PDS5A: variants seen among roughly 807,000 people sequenced by gnomAD.
The protein encoded by PDS5A is sister chromatid cohesion protein PDS5 homolog A.
A neutral mutation model predicts 167.1 loss-of-function variants in PDS5A; 42 were observed. The observed-to-expected ratio is 0.25, with a 90% CI of 0.20 to 0.33. PDS5A has a LOEUF of 0.33. Ranked by LOEUF, PDS5A falls within the 10% of genes least tolerant of loss-of-function variation. PDS5A has a pLI of 1.00. For missense variants in PDS5A, 1,033 were observed against 1,605.9 expected (o/e 0.64, Z 6.10); for synonymous variants, 553 against 554.6 (o/e 1.00, Z 0.04).
At position 39,898,693 on chromosome 4, in the gene PDS5A, C is replaced by T. The variant is rs554537909; in HGVS notation, c.1630+84G>A. The T allele has an allele frequency of 1.5e-4, 148 of 971,636 alleles. 1 individual carries two copies. The East Asian group carries it at 3.8e-3, about 25-fold the overall frequency. The allele number at this position is 971,636 out of a possible 1,614,324, so 60.2% of individuals were successfully genotyped here. On this transcript the variant is annotated intron_variant, in intron 15 of 32. Coordinates refer to ENST00000303538, the MANE Select transcript of PDS5A (RefSeq NM_001100399.2). ...ATAAAGATTATTTTCTTTTACTTAA[C>T]ATTAAATCAGTAGTCCCACTGGGTA...
intron 17 of PDS5A, among the ~76,000 whole-genome samples, chr4:39,881,812 C>G (rs1197168526): frequency 6.6e-6 from 1 of 152,156 alleles, no homozygotes; most frequent in Non-Finnish European, 1.5e-5. Context: ...TGGCTGTGTC[C>G]CCACTCAAAT....
At position 39,913,736 on chromosome 4, in the gene PDS5A, GA is replaced by G. The variant is rs766607855; in HGVS notation, c.877-11del. The G allele has an allele frequency of 1.0e-4, 142 of 1,407,808 alleles. No individual in the cohort carries two copies. The highest frequency in any genetic ancestry group is 1.4e-4 in the Non-Finnish European group (135 of 992,512). The allele number at this position is 1,407,808 out of a possible 1,614,324, so 87.2% of individuals were successfully genotyped here. ...CTTCTCCATCATTGCTCTAAGAAGG[GA>G]AAACAGAAAGTGAAGCCTAAGCTTT... On this transcript the variant is annotated splice_polypyrimidine_tract_variant and intron_variant, in intron 8 of 32. Coordinates refer to ENST00000303538, the MANE Select transcript of PDS5A (RefSeq NM_001100399.2).
intron 23 of PDS5A, among the ~76,000 whole-genome samples, chr4:39,865,875 A>G (rs1450383191): frequency 6.6e-6 from 1 of 152,258 alleles, no homozygotes; most frequent in Non-Finnish European, 1.5e-5. Flanking sequence ...AGAATACTTT[A>G]GTTATCTATG....
intron 26 of PDS5A, among the ~76,000 whole-genome samples, chr4:39,852,977 A>T (rs910628071): frequency 6.6e-6 from 1 of 152,072 alleles, no homozygotes; most frequent in South Asian, 2.1e-4. Context: ...TTCGCCTGTG[A>T]AATTATAAAT....
At chr4:39,957,158 G>A (rs890838038) in intron 2 of PDS5A, among the ~76,000 whole-genome samples, 1 of 151,990 alleles carries the variant, frequency 6.6e-6, no homozygotes, top group Non-Finnish European at 1.5e-5. Context: ...GAAGTTATAG[G>A]ATAATTATAC....
At chr4:39,899,249 T>C (rs1722672270) in intron 14 of PDS5A, among the ~76,000 whole-genome samples, 2 of 152,178 alleles carry the variant, frequency 1.3e-5, no homozygotes, top group African/African-American at 4.8e-5. Flanking sequence ...TGTTAGCTAC[T>C]TTGTGGCCCG....
In PDS5A at chr4:39,845,852, G is replaced by T; in HGVS notation, c.3368C>A (p.Ser1123Ter). 7.3e-7 allele frequency: 1 copy of T among 1,377,952 alleles called. No homozygotes were observed. Among genetic ancestry groups the T allele is most frequent in the South Asian group, 1.6e-5 (1 of 60,770 alleles). The allele number at this position is 1,377,952 out of a possible 1,614,324, so 85.4% of individuals were successfully genotyped here. ...KDFCNDKSYISEETRVLLLTG... is the reference protein window; with the variant it reads ...KDFCNDKSYI ...TAACAGAAGTACTCTTGTCTCTTCT[G>T]AAATATAACTCTTATCGTTACAGAA... Residue 1123 changes from serine to a stop codon, truncating the protein, a stop_gained, in exon 29 of 33, where the codon TCA becomes TAA. Transcript: ENST00000303538. LOFTEE classifies it high-confidence loss of function.
intron 2 of PDS5A, among the ~76,000 whole-genome samples, chr4:39,942,356 A>G (rs756691558): frequency 5.3e-4 from 80 of 152,292 alleles, no homozygotes; most frequent in Non-Finnish European, 9.0e-4. Context: ...AAATATGTGA[A>G]TATGTCCTAG....
At chr4:39,975,761 A>T (rs1731029012) in intron 2 of PDS5A, among the ~76,000 whole-genome samples, 1 of 152,098 alleles carries the variant, frequency 6.6e-6, no homozygotes, top group African/African-American at 2.4e-5. Flanking sequence ...TACAAGAAGA[A>T]TATTACTTAT....
At chr4:39,877,223 G>C in intron 18 of PDS5A, 70 bp from the exon 19 acceptor site, 1 of 959,638 alleles carries the variant, frequency 1.0e-6, no homozygotes, top group South Asian at 2.2e-5. Flanking sequence ...ATTACTTCCC[G>C]CAAAAGAAAA....
At chr4:39,948,595 T>G (rs962038657) in intron 2 of PDS5A, among the ~76,000 whole-genome samples, 2 of 149,934 alleles carry the variant, frequency 1.3e-5, no homozygotes, top group African/African-American at 4.9e-5. Flanking sequence ...AGTGCTGGGA[T>G]TACACGTGTG....
intron 16 of PDS5A, 134 bp downstream of exon 16, chr4:39,898,255 A>G: frequency 7.5e-7 from 1 of 1,333,042 alleles, no homozygotes; most frequent in Non-Finnish European, 9.6e-7. Flanking sequence ...TTGACAATAG[A>G]TATACTCCAA....
intron 26 of PDS5A, among the ~76,000 whole-genome samples, chr4:39,851,762 AC>A (rs1204874057): frequency 6.6e-6 from 1 of 152,238 alleles, no homozygotes. Flanking sequence ...AACACTGAAC[AC>A]ATCGGTTCTA....
chr4:39,918,063 C>T (rs1402945861), intron 7 of PDS5A, among the ~76,000 whole-genome samples: 2 of 151,300 alleles, frequency 1.3e-5, no homozygotes, highest in African/African-American at 2.4e-5. Context: ...CCTATAGCCC[C>T]AGCTACTCAG....
At chr4:39,887,421 A>G (rs1721570270) in intron 17 of PDS5A, among the ~76,000 whole-genome samples, 1 of 152,206 alleles carries the variant, frequency 6.6e-6, no homozygotes, top group Admixed American at 6.5e-5. Context: ...GTTTATCGAT[A>G]TATGATTTAT....
Position 39,910,263 on chromosome 4 carries a change from A to C in PDS5A, c.1068T>G (p.Asp356Glu). ...GCTTACCTGTGAGATCCTTCGCTAA[A>C]TCTGGGTGATTCATTAAACAATGAC... ...FASHCLMNHPDLAKDLTEYLK... is the reference protein window; with the variant it reads ...FASHCLMNHPELAKDLTEYLK... Residue 356 changes from aspartate to glutamate, a missense_variant, in exon 10 of 33, where the codon GAT becomes GAG. Asp to Glu is a conservative substitution (Grantham distance 45). Around this residue, in one of 4 missense-constraint regions of PDS5A, gnomAD observed 388 missense variants for 615.1 expected, o/e 0.63. Coordinates refer to ENST00000303538, the MANE Select transcript of PDS5A (RefSeq NM_001100399.2). 1 of 1,576,442 alleles carries C rather than the reference A, an allele frequency of 6.3e-7. No individual in the cohort carries two copies. Among genetic ancestry groups the C allele is most frequent in the Non-Finnish European group, 8.7e-7 (1 of 1,150,522 alleles).
Position 39,844,516 on chromosome 4 carries a change from A to C in PDS5A, c.3548+140T>G, listed in dbSNP as rs1717402048. On this transcript the variant is annotated intron_variant, in intron 30 of 32. Coordinates refer to ENST00000303538, the MANE Select transcript of PDS5A (RefSeq NM_001100399.2). ...AAAACAAAAAAAAACCCAGAAAAGA[A>C]AATACTAAAATTCATCAATATTATT... is the stretch of plus-strand genomic sequence containing the variant. 6 of 645,750 alleles carry C rather than the reference A, an allele frequency of 9.3e-6. No homozygotes were observed. In the Admixed American group the frequency reaches 1.3e-4, roughly 14 times the overall value. 40.0% of individuals were successfully genotyped at this position (645,750 alleles called of 1,614,324 possible). A position where few individuals can be genotyped will look rare whatever the true frequency, so the allele number is the denominator to read the frequency against.
At chr4:39,895,199 CAAAAAAA>C (rs34303340) in intron 16 of PDS5A, among the ~76,000 whole-genome samples, 5,343 of 93,486 alleles carry the variant, frequency 0.057, 308 homozygotes, top group African/African-American at 0.19. Context: ...GACTCCGTCT[CAAAAAAA>C]AAAAAAAAAA....
At chr4:39,942,190 C>T (rs1310828590) in intron 2 of PDS5A, among the ~76,000 whole-genome samples, 1 of 152,068 alleles carries the variant, frequency 6.6e-6, no homozygotes, top group Non-Finnish European at 1.5e-5. Context: ...TATACTTATA[C>T]ATATGTATAT....
Sources: allele counts gnomAD v4.1 joint callset (sites outside exome capture counted in the v4.1 genomes callset), GRCh38; gene constraint gnomAD v4.1.1; regional missense constraint gnomAD v4.1.1; transcripts MANE v1.5; gene names NCBI Gene and HGNC (gene_info 2026-07-23, HGNC 2026-07-21).